LOC128462377: variants seen among roughly 807,000 people sequenced by gnomAD.
the LOC128462377 span, among the ~76,000 whole-genome samples, chr16:89,347,997 G>C: frequency 0.032 from 4,907 of 151,846 alleles, 261 homozygotes; most frequent in African/African-American, 0.11. Context: ...GAAATGGCAT[G>C]ATCTCGGCTC....
At chr16:89,383,084 A>C in the LOC128462377 span, among the ~76,000 whole-genome samples, 10 of 152,198 alleles carry the variant, frequency 6.6e-5, no homozygotes, top group Admixed American at 6.5e-4. Context: ...TTCAACTTTC[A>C]CACCACTGTA....
At chr16:89,377,057 C>T in the LOC128462377 span, among the ~76,000 whole-genome samples, 1 of 152,220 alleles carries the variant, frequency 6.6e-6, no homozygotes, top group South Asian at 2.1e-4. Context: ...CAGGAAGTAC[C>T]TTGCCTTGCC....
chr16:89,399,128 C>T, the LOC128462377 span, among the ~76,000 whole-genome samples: 4 of 152,324 alleles, frequency 2.6e-5, no homozygotes, highest in East Asian at 7.7e-4. Context: ...GCTCCGAACA[C>T]GGAGCAGGAG....
At chr16:89,363,235 A>T in the LOC128462377 span, among the ~76,000 whole-genome samples, 1 of 152,188 alleles carries the variant, frequency 6.6e-6, no homozygotes, top group East Asian at 1.9e-4. Flanking sequence ...TTTTCATTTA[A>T]AATTTTTTCC....
the LOC128462377 span, among the ~76,000 whole-genome samples, chr16:89,318,983 A>G: frequency 6.6e-6 from 1 of 152,354 alleles, no homozygotes; most frequent in East Asian, 1.9e-4. Context: ...GCCTGGAGAA[A>G]GGGCATCTCA....
At chr16:89,414,174 C>G in the LOC128462377 span, among the ~76,000 whole-genome samples, 1 of 152,204 alleles carries the variant, frequency 6.6e-6, no homozygotes, top group East Asian at 1.9e-4. Flanking sequence ...GATTACTTTT[C>G]CATCTTAAAT....
the LOC128462377 span, among the ~76,000 whole-genome samples, chr16:89,381,390 G>A: frequency 1.4e-5 from 2 of 143,178 alleles, no homozygotes. Context: ...CAGACTATTA[G>A]AAGCAAGACA....
chr16:89,343,976 C>G, the LOC128462377 span, among the ~76,000 whole-genome samples: 5 of 152,174 alleles, frequency 3.3e-5, no homozygotes, highest in Non-Finnish European at 7.4e-5. Context: ...CAGCTCTGAC[C>G]GACTGAACCC....
chr16:89,359,734 T>C, the LOC128462377 span, among the ~76,000 whole-genome samples: 1 of 152,212 alleles, frequency 6.6e-6, no homozygotes, highest in Admixed American at 6.5e-5. Flanking sequence ...TCTTCATATC[T>C]GAGTCTCAAC....
At chr16:89,365,863 C>T in the LOC128462377 span, among the ~76,000 whole-genome samples, 1 of 152,232 alleles carries the variant, frequency 6.6e-6, no homozygotes, top group Non-Finnish European at 1.5e-5. Context: ...CCCTCCTCCA[C>T]CCCCAACCCT....
the LOC128462377 span, among the ~76,000 whole-genome samples, chr16:89,385,337 C>G: frequency 6.6e-6 from 1 of 152,126 alleles, no homozygotes; most frequent in East Asian, 1.9e-4. Flanking sequence ...CCATGTTGGC[C>G]GGGCTGGTCT....
At chr16:89,339,511 G>T in the LOC128462377 span, among the ~76,000 whole-genome samples, 11 of 152,268 alleles carry the variant, frequency 7.2e-5, no homozygotes, top group African/African-American at 2.6e-4. Flanking sequence ...TATAAAGGTG[G>T]CTCTTTCACA....
chr16:89,337,007 CAAAAAAAAAAAA>C, the LOC128462377 span, among the ~76,000 whole-genome samples: 36 of 47,742 alleles, frequency 7.5e-4, no homozygotes, highest in South Asian at 1.1e-3. Context: ...CTGGCTCTAC[CAAAAAAAAAAAA>C]AAAAAAAAAA....
the LOC128462377 span, among the ~76,000 whole-genome samples, chr16:89,327,433 T>C: frequency 1.3e-5 from 2 of 152,114 alleles, no homozygotes; most frequent in African/African-American, 4.8e-5. Context: ...TAAAACTGTC[T>C]CTCTCTGAAG....
chr16:89,400,997 A>G, the LOC128462377 span, among the ~76,000 whole-genome samples: 1 of 152,172 alleles, frequency 6.6e-6, no homozygotes, highest in African/African-American at 2.4e-5. Context: ...ACCCAAGACC[A>G]AGATGGAAAG....
the LOC128462377 span, among the ~76,000 whole-genome samples, chr16:89,350,030 ACACATGCTT>A: frequency 1.3e-5 from 2 of 152,186 alleles, no homozygotes; most frequent in Non-Finnish European, 1.5e-5. Context: ...GAAAGTGAAG[ACACATGCTT>A]CACCAAAGCA....
At chr16:89,320,916 G>C in the LOC128462377 span, among the ~76,000 whole-genome samples, 1 of 152,232 alleles carries the variant, frequency 6.6e-6, no homozygotes, top group East Asian at 1.9e-4. Flanking sequence ...CTTCTACGGG[G>C]CTGGCAGGAC....
At chr16:89,414,782 C>A in the LOC128462377 span, among the ~76,000 whole-genome samples, 2 of 152,154 alleles carry the variant, frequency 1.3e-5, no homozygotes, top group Non-Finnish European at 2.9e-5. Context: ...CCAAGCTGGG[C>A]ACCTAAGTCA....
At chr16:89,415,358 A>C in the LOC128462377 span, among the ~76,000 whole-genome samples, 8 of 136,646 alleles carry the variant, frequency 5.9e-5, no homozygotes, top group East Asian at 1.7e-3. Context: ...TCCGCCTCCC[A>C]GGTTCACGCC....
Sources: gnomAD v4.1 joint callset for allele counts (sites outside exome capture counted in the v4.1 genomes callset) on GRCh38, gnomAD v4.1.1 for gene constraint, MANE v1.5 for transcripts.